Variants in KCNH8 observed in about 807,000 individuals in gnomAD.
KCNH8 encodes the protein voltage-gated delayed rectifier potassium channel KCNH8.
A neutral mutation model predicts 103.6 loss-of-function variants in KCNH8; 70 were observed. The observed-to-expected ratio is 0.68, with a 90% CI of 0.56 to 0.82. KCNH8 has a LOEUF of 0.82. Ranked by LOEUF, KCNH8 falls within the 40% of genes least tolerant of loss-of-function variation. The pLI, the probability that KCNH8 is intolerant of heterozygous loss-of-function variation, is 0.00. For synonymous variants in KCNH8, 498 were observed against 489.4 expected (o/e 1.02, Z -0.23); for missense variants, 1,217 against 1,329.9 (o/e 0.92, Z 1.32).
chr3:19,533,394 G>A lies in KCNH8; in HGVS notation c.2620-1G>A. On this transcript the variant is annotated splice_acceptor_variant, in intron 15 of 15. Transcript: ENST00000328405. LOFTEE classifies it high-confidence loss of function. The stretch of plus-strand genomic sequence containing the variant: ...TCTTTCACTTTGCTCTATCCACATA[G>A]GTAACAACATTGACTCAGGAAGTTT... 1 of 1,608,154 alleles carries A rather than the reference G, an allele frequency of 6.2e-7. No homozygotes were observed.
At chr3:19,529,210 C>T (rs1462089200) in intron 15 of KCNH8, among the ~76,000 whole-genome samples, 1 of 152,116 alleles carries the variant, frequency 6.6e-6, no homozygotes, top group Admixed American at 6.6e-5. Flanking sequence ...ATATGAGTGT[C>T]AGAAACATTT....
At chr3:19,414,671 A>G (rs934813761) in intron 7 of KCNH8, among the ~76,000 whole-genome samples, 2 of 152,092 alleles carry the variant, frequency 1.3e-5, no homozygotes, top group African/African-American at 4.8e-5. Context: ...TAATTGATTT[A>G]TATCAAATTA....
intron 1 of KCNH8, among the ~76,000 whole-genome samples, chr3:19,170,254 C>T (rs1457412149): frequency 6.6e-6 from 1 of 152,028 alleles, no homozygotes; most frequent in Non-Finnish European, 1.5e-5. Flanking sequence ...ATTTTTACCC[C>T]TTTCTTAACA....
intron 1 of KCNH8, among the ~76,000 whole-genome samples, chr3:19,202,685 T>C (rs2063675589): frequency 6.6e-6 from 1 of 152,160 alleles, no homozygotes; most frequent in Admixed American, 6.6e-5. Flanking sequence ...TCTGTAACTT[T>C]TTGTTATTAT....
chr3:19,424,184 A>G (rs1176810475), intron 7 of KCNH8, among the ~76,000 whole-genome samples: 2 of 152,166 alleles, frequency 1.3e-5, no homozygotes, highest in East Asian at 3.9e-4. Flanking sequence ...ATCTGAAGGT[A>G]TCACATTACC....
chr3:19,485,377 CA>C (rs1559350824), intron 11 of KCNH8, among the ~76,000 whole-genome samples: 1 of 152,208 alleles, frequency 6.6e-6, no homozygotes, highest in Non-Finnish European at 1.5e-5. Context: ...GCTTGTGTGC[CA>C]GGTGGAACAG....
Position 19,488,908 on chromosome 3 carries a change from G to A in KCNH8, c.2041-21455G>A, listed in dbSNP as rs150795556. On this transcript the variant is annotated intron_variant, in intron 11 of 15. Coordinates refer to ENST00000328405, the MANE Select transcript of KCNH8 (RefSeq NM_144633.3). ...AAGTAGGATTATGAGTCTGTATAAC[G>A]GTTTGGAGCAAGTCAATTAAAGCTT... Among the ~76,000 whole-genome samples the A allele has an allele frequency of 4.4e-3, 677 of 152,228 alleles. 4 individuals carry two copies. The highest frequency in any genetic ancestry group is 0.019 in the South Asian group (94 of 4,822).
At chr3:19,334,971 T>C (rs1232281749) in intron 3 of KCNH8, among the ~76,000 whole-genome samples, 2 of 152,018 alleles carry the variant, frequency 1.3e-5, no homozygotes, top group African/African-American at 4.8e-5. Flanking sequence ...TTGAAGCTAA[T>C]CAGGCATTCT....
rs568087797 is a variant in KCNH8 at position 19,325,511 on chromosome 3, T to TA, written c.443-17070dup. Among the ~76,000 whole-genome samples, 352 of 151,892 alleles carry TA rather than the reference T, an allele frequency of 2.3e-3. 1 individual carries two copies. The highest frequency in any genetic ancestry group is 4.0e-3 in the Non-Finnish European group (273 of 67,912). ...ACTGACAAGAAAAAAACAACCCCAT[T>TA]AAAAAATGGGCAAGGGACATGAACA... On this transcript the variant is annotated intron_variant, in intron 3 of 15. Transcript: ENST00000328405.
intron 3 of KCNH8, among the ~76,000 whole-genome samples, chr3:19,308,787 CCT>C (rs57001260): frequency 1.4e-4 from 5 of 36,896 alleles, no homozygotes; most frequent in African/African-American, 6.0e-4. Context: ...TCTCTCTCTC[CCT>C]CTCTCTCTCT....
intron 11 of KCNH8, among the ~76,000 whole-genome samples, chr3:19,497,008 G>C (rs995529965): frequency 1.3e-5 from 2 of 151,332 alleles, no homozygotes; most frequent in African/African-American, 4.8e-5. Context: ...GAATTTATCA[G>C]TTTCTTCTAG....
chr3:19,468,804 T>C (rs1415804339), intron 11 of KCNH8, among the ~76,000 whole-genome samples: 1 of 152,204 alleles, frequency 6.6e-6, no homozygotes, highest in Admixed American at 6.5e-5. Flanking sequence ...ACTTCATGAT[T>C]CCTTCCTTAG....
chr3:19,211,677 T>C (rs2063772887), intron 1 of KCNH8, among the ~76,000 whole-genome samples: 1 of 152,090 alleles, frequency 6.6e-6, no homozygotes, highest in Admixed American at 6.6e-5. Flanking sequence ...CTTTAACACA[T>C]AGCCAGCAGG....
At chr3:19,150,830 G>A (rs1270228129) in intron 1 of KCNH8, among the ~76,000 whole-genome samples, 1 of 152,078 alleles carries the variant, frequency 6.6e-6, no homozygotes, top group African/African-American at 2.4e-5. Context: ...CAGCATCTGG[G>A]GGATTCCTGG....
chr3:19,504,050 C>G (rs1234438046), intron 11 of KCNH8, among the ~76,000 whole-genome samples: 1 of 152,084 alleles, frequency 6.6e-6, no homozygotes, highest in Non-Finnish European at 1.5e-5. Flanking sequence ...CATCTACAAC[C>G]ATCTGATCTT....
At chr3:19,297,199 C>T (rs993221485) in intron 3 of KCNH8, among the ~76,000 whole-genome samples, 5 of 152,130 alleles carry the variant, frequency 3.3e-5, no homozygotes, top group East Asian at 1.9e-4. Flanking sequence ...GGGCAAAGCT[C>T]TTATCACATT....
intron 2 of KCNH8, among the ~76,000 whole-genome samples, chr3:19,271,346 C>G (rs904562994): frequency 2.0e-5 from 3 of 152,102 alleles, no homozygotes; most frequent in Non-Finnish European, 2.9e-5. Flanking sequence ...ATCTGAAATG[C>G]CTTTGTATGT....
intron 1 of KCNH8, among the ~76,000 whole-genome samples, chr3:19,196,557 T>C (rs2063604456): frequency 6.6e-6 from 1 of 152,002 alleles, no homozygotes; most frequent in Non-Finnish European, 1.5e-5. Flanking sequence ...CTGTTTATTG[T>C]CTTTAAAATA....
chr3:19,477,012 A>G (rs2067990402), intron 11 of KCNH8, among the ~76,000 whole-genome samples: 1 of 152,178 alleles, frequency 6.6e-6, no homozygotes, highest in Non-Finnish European at 1.5e-5. Flanking sequence ...GAAGGGACTG[A>G]GAAAGAAAAA....
Sources: gnomAD v4.1 joint callset for allele counts (sites outside exome capture counted in the v4.1 genomes callset) on GRCh38, gnomAD v4.1.1 for gene constraint, MANE v1.5 for transcripts, NCBI Gene and HGNC (gene_info 2026-07-23, HGNC 2026-07-21) for gene names.